CACNG4: variants seen among roughly 807,000 people sequenced by gnomAD.
CACNG4 encodes the protein calcium voltage-gated channel auxiliary subunit gamma 4.
Under a neutral mutation model 22.9 loss-of-function variants are expected in CACNG4, and 8 were observed. That is an observed-to-expected ratio of 0.35 (90% CI 0.21 to 0.63). The LOEUF is 0.63. Ranked by LOEUF, CACNG4 falls within the 30% of genes least tolerant of loss-of-function variation. The pLI, the probability that CACNG4 is intolerant of heterozygous loss-of-function variation, is 0.72. For missense variants in CACNG4, 357 were observed against 455.4 expected, an observed-to-expected ratio of 0.78 and a Z score of 1.97; for synonymous variants, 188 against 191.9, an observed-to-expected ratio of 0.98 and a Z score of 0.17.
chr17:67,010,299 T>C (rs1162853644), intron 1 of CACNG4, among the ~76,000 whole-genome samples: 2 of 152,116 alleles, frequency 1.3e-5, no homozygotes, highest in Non-Finnish European at 2.9e-5. Flanking sequence ...CATCAGCCAA[T>C]ACCCTCAGCC....
chr17:66,975,729 A>C (rs1302745537), intron 1 of CACNG4, among the ~76,000 whole-genome samples: 1 of 152,156 alleles, frequency 6.6e-6, no homozygotes, highest in Non-Finnish European at 1.5e-5. Context: ...AGCACCCCCC[A>C]GTGGAGGCCA....
intron 1 of CACNG4, among the ~76,000 whole-genome samples, chr17:67,003,890 A>G (rs2143330110): frequency 1.3e-5 from 2 of 152,266 alleles, no homozygotes; most frequent in South Asian, 4.2e-4. Context: ...CCAGGCAGCA[A>G]ATTCTTAATA....
intron 1 of CACNG4, among the ~76,000 whole-genome samples, chr17:67,001,266 T>G (rs1297323058): frequency 6.6e-6 from 1 of 152,150 alleles, no homozygotes; most frequent in African/African-American, 2.4e-5. Context: ...CTTTATAAAT[T>G]ACCCAGTCTG....
intron 1 of CACNG4, among the ~76,000 whole-genome samples, chr17:66,987,610 T>C (rs1381861537): frequency 6.6e-6 from 1 of 151,472 alleles, no homozygotes; most frequent in Non-Finnish European, 1.5e-5. Flanking sequence ...AGAGAGAAAA[T>C]GAGAGAGTGG....
At chr17:66,965,219 CA>C in intron 1 of CACNG4, 88 bp downstream of exon 1, 2 of 756,434 alleles carry the variant, frequency 2.6e-6, no homozygotes, top group South Asian at 2.0e-5. Context: ...CGCGCACACA[CA>C]CACACGCGCA....
chr17:66,982,252 C>A (rs1394270202), intron 1 of CACNG4, among the ~76,000 whole-genome samples: 2 of 149,774 alleles, frequency 1.3e-5, no homozygotes, highest in Non-Finnish European at 2.9e-5. Context: ...CCATGTCCTG[C>A]TGATTGGTCC....
At position 67,027,044 on chromosome 17, in the gene CACNG4, C is replaced by G. The variant is rs1055750476; in HGVS notation, c.445+2044C>G. On this transcript the variant is annotated intron_variant, in intron 3 of 3. Coordinates refer to ENST00000262138, the MANE Select transcript of CACNG4 (RefSeq NM_014405.4). The surrounding 1 kb of genome is among the most constrained non-coding windows in gnomAD (Gnocchi z 4.3). ...CTCCCCACGGCAGGGAGAGAATACT[C>G]CAGTCACATCAGAAACCACAGTGGC... is the stretch of plus-strand genomic sequence containing the variant. Among the ~76,000 whole-genome samples, 2 of 152,172 alleles carry G rather than the reference C, an allele frequency of 1.3e-5. No homozygotes were observed. The highest frequency in any genetic ancestry group is 4.8e-5 in the African/African-American group (2 of 41,418).
chr17:66,983,262 T>C, intron 1 of CACNG4, among the ~76,000 whole-genome samples: 1 of 152,190 alleles, frequency 6.6e-6, no homozygotes, highest in East Asian at 1.9e-4. Context: ...CACCCAGGTC[T>C]CCAGCCCCAA....
At chr17:67,014,720 T>G (rs571989226) in intron 1 of CACNG4, among the ~76,000 whole-genome samples, 3 of 152,118 alleles carry the variant, frequency 2.0e-5, no homozygotes, top group Non-Finnish European at 4.4e-5. Context: ...GTGGATTGCT[T>G]GAGGTCAGAA....
At chr17:66,979,216 T>C (rs1175394200) in intron 1 of CACNG4, among the ~76,000 whole-genome samples, 5 of 152,204 alleles carry the variant, frequency 3.3e-5, no homozygotes, top group Non-Finnish European at 5.9e-5. Context: ...TCGTCCCTCT[T>C]TCTCTCCTTT....
intron 1 of CACNG4, among the ~76,000 whole-genome samples, chr17:66,977,777 G>A (rs1053635703): frequency 3.3e-5 from 5 of 152,174 alleles, no homozygotes; most frequent in African/African-American, 7.2e-5. Context: ...AAACTGTGTC[G>A]TCCTTAGGTG....
At chr17:66,974,909 G>C (rs1310896564) in intron 1 of CACNG4, among the ~76,000 whole-genome samples, 2 of 152,146 alleles carry the variant, frequency 1.3e-5, no homozygotes, top group Admixed American at 6.5e-5. Context: ...GCATGGGCTT[G>C]CAAGGGCTTT....
intron 3 of CACNG4, among the ~76,000 whole-genome samples, chr17:67,028,144 G>A (rs185036654): frequency 6.1e-4 from 93 of 152,366 alleles, no homozygotes; most frequent in Middle Eastern, 3.4e-3. Context: ...CTCAGGGCAG[G>A]ACTGCTGGAC....
chr17:66,976,099 C>T (rs1313533203), intron 1 of CACNG4, among the ~76,000 whole-genome samples: 3 of 152,274 alleles, frequency 2.0e-5, no homozygotes, highest in Non-Finnish European at 4.4e-5. Flanking sequence ...GCCGAGAGCC[C>T]TGCCGCGTCA....
At chr17:66,996,932 A>C (rs1485176037) in intron 1 of CACNG4, among the ~76,000 whole-genome samples, 1 of 152,126 alleles carries the variant, frequency 6.6e-6, no homozygotes, top group African/African-American at 2.4e-5. Context: ...TTATAAGGGG[A>C]CGAGGGCAGG....
intron 1 of CACNG4, among the ~76,000 whole-genome samples, chr17:67,015,299 A>G (rs1253770424): frequency 6.6e-6 from 1 of 151,960 alleles, no homozygotes; most frequent in Non-Finnish European, 1.5e-5. Context: ...GTATCATTCC[A>G]TTTGTAGGAG....
At chr17:67,016,612 C>CT (rs1466522508) in intron 1 of CACNG4, among the ~76,000 whole-genome samples, 30 of 152,304 alleles carry the variant, frequency 2.0e-4, no homozygotes, top group African/African-American at 7.2e-4. Flanking sequence ...ACAGGGGGCG[C>CT]TTGCAGCCGC....
chr17:66,972,286 T>C (rs1272042260), intron 1 of CACNG4, among the ~76,000 whole-genome samples: 4 of 152,100 alleles, frequency 2.6e-5, no homozygotes, highest in Middle Eastern at 3.2e-3. Flanking sequence ...CACCAGGGGT[T>C]ATGGGTTCAG....
intron 3 of CACNG4, among the ~76,000 whole-genome samples, chr17:67,025,992 G>A (rs1388778130): frequency 6.6e-6 from 1 of 152,208 alleles, no homozygotes; most frequent in African/African-American, 2.4e-5. Context: ...AGTGATCTGT[G>A]GGGCCTGTAC....
Sources: allele counts gnomAD v4.1 joint callset (sites outside exome capture counted in the v4.1 genomes callset), GRCh38; gene constraint gnomAD v4.1.1; non-coding constraint Gnocchi (gnomAD v3.1); transcripts MANE v1.5; gene names NCBI Gene and HGNC (gene_info 2026-07-23, HGNC 2026-07-21).